Variants in NSRP1 observed in about 807,000 individuals in gnomAD.
NSRP1 encodes the protein nuclear speckle splicing regulatory protein 1.
A neutral mutation model predicts 54.7 loss-of-function variants in NSRP1; 24 were observed. The observed-to-expected ratio is 0.44, with a 90% confidence interval of 0.32 to 0.62. The LOEUF (loss-of-function observed/expected upper bound fraction) is 0.62, where lower values mean the gene tolerates loss of function less well. Ranked by LOEUF, NSRP1 falls within the 20% of genes least tolerant of loss-of-function variation. The pLI is 0.06. For missense variants in NSRP1, 596 were observed against 651.2 expected (o/e 0.92, Z 0.92); for synonymous variants, 210 against 213.8 (o/e 0.98, Z 0.15).
At chr17:30,143,584 T>G (rs761056274) in intron 2 of NSRP1, among the ~76,000 whole-genome samples, 1 of 152,216 alleles carries the variant, frequency 6.6e-6, no homozygotes, top group Non-Finnish European at 1.5e-5. Context: ...CTTTGACTGT[T>G]CATTATAAGT....
At chr17:30,168,990 T>G (rs1904833168) in intron 2 of NSRP1, 1 of 152,076 alleles carries the variant, frequency 6.6e-6, no homozygotes, top group Admixed American at 6.5e-5. Context: ...GAATAGAATA[T>G]GTAAAACTAT....
chr17:30,134,678 C>A (rs919842372), intron 2 of NSRP1, among the ~76,000 whole-genome samples: 3 of 152,148 alleles, frequency 2.0e-5, no homozygotes, highest in African/African-American at 7.2e-5. Flanking sequence ...TTCAGGTCTG[C>A]CTGATTCAAG....
chr17:30,162,747 T>C (rs1485973040), intron 2 of NSRP1, among the ~76,000 whole-genome samples: 1 of 152,176 alleles, frequency 6.6e-6, no homozygotes, highest in African/African-American at 2.4e-5. Flanking sequence ...TTACTAAATT[T>C]TTGTGTTAAA....
intron 2 of NSRP1, among the ~76,000 whole-genome samples, chr17:30,122,269 G>A (rs2071604441): frequency 7.1e-6 from 1 of 140,084 alleles, no homozygotes; most frequent in Non-Finnish European, 1.5e-5. Flanking sequence ...TTTTTTGTGT[G>A]GATATGTTTT....
chr17:30,143,343 A>T (rs2071823458), intron 2 of NSRP1, among the ~76,000 whole-genome samples: 1 of 152,212 alleles, frequency 6.6e-6, no homozygotes, highest in Non-Finnish European at 1.5e-5. Context: ...ATTTGGAAGG[A>T]GATTCATTTC....
chr17:30,138,133 T>C (rs2071766231), intron 2 of NSRP1, among the ~76,000 whole-genome samples: 1 of 152,216 alleles, frequency 6.6e-6, no homozygotes, highest in Non-Finnish European at 1.5e-5. Flanking sequence ...GTGACGGGGT[T>C]ATTTCACTTA....
At chr17:30,177,925 A>G in intron 3 of NSRP1, 146 bp from the exon 4 acceptor site, 1 of 969,606 alleles carries the variant, frequency 1.0e-6, no homozygotes, top group Non-Finnish European at 1.6e-6. Context: ...GCCTGGCTCC[A>G]GAGTTTATTT....
chr17:30,176,611 C>T (rs1002801735), intron 3 of NSRP1, among the ~76,000 whole-genome samples: 1 of 120,602 alleles, frequency 8.3e-6, no homozygotes, highest in Non-Finnish European at 1.9e-5. Flanking sequence ...CTTCGTCCCC[C>T]CCCCCCCAAA....
At chr17:30,172,675 G>A in intron 3 of NSRP1, 77 bp downstream of exon 3, 2 of 1,132,868 alleles carry the variant, frequency 1.8e-6, no homozygotes, top group South Asian at 2.8e-5. Context: ...TGGTATCTAG[G>A]TGCTGAGACT....
At chr17:30,167,445 C>CT (rs1597615952) in intron 2 of NSRP1, among the ~76,000 whole-genome samples, 1 of 152,016 alleles carries the variant, frequency 6.6e-6, no homozygotes, top group African/African-American at 2.4e-5. Flanking sequence ...CTTGTCTCTA[C>CT]TAAAAATACA....
At chr17:30,119,719 TCTCGAA>T (rs1265654303) in intron 2 of NSRP1, among the ~76,000 whole-genome samples, 1 of 151,798 alleles carries the variant, frequency 6.6e-6, no homozygotes, top group Non-Finnish European at 1.5e-5. Context: ...ATCAGGCTGG[TCTCGAA>T]CTCCTGACCT....
chr17:30,137,308 A>T (rs955398007), intron 2 of NSRP1, among the ~76,000 whole-genome samples: 14 of 152,332 alleles, frequency 9.2e-5, no homozygotes, highest in African/African-American at 2.6e-4. Context: ...GAGTCCTTCT[A>T]CCAGGTGCAC....
chr17:30,176,303 G>A (rs1372654160), intron 3 of NSRP1, among the ~76,000 whole-genome samples: 2 of 151,984 alleles, frequency 1.3e-5, no homozygotes, highest in African/African-American at 4.8e-5. Flanking sequence ...ATATACAAAG[G>A]CATGTCATCA....
At chr17:30,171,159 T>G (rs1019207521) in intron 2 of NSRP1, among the ~76,000 whole-genome samples, 2 of 152,132 alleles carry the variant, frequency 1.3e-5, no homozygotes, top group Non-Finnish European at 2.9e-5. Context: ...TTTATTCTCT[T>G]TGATTCTGGT....
chr17:30,136,096 C>T (rs1215871738), intron 2 of NSRP1, among the ~76,000 whole-genome samples: 1 of 151,968 alleles, frequency 6.6e-6, no homozygotes, highest in Non-Finnish European at 1.5e-5. Flanking sequence ...ATCTGTAGTC[C>T]CAGCTACTCG....
intron 2 of NSRP1, among the ~76,000 whole-genome samples, chr17:30,161,480 T>C (rs1904513765): frequency 6.6e-6 from 1 of 152,224 alleles, no homozygotes; most frequent in Admixed American, 6.5e-5. Flanking sequence ...CCCTGTTGCT[T>C]TCCTATGGAA....
At chr17:30,140,958 C>T (rs908126396) in intron 2 of NSRP1, among the ~76,000 whole-genome samples, 1 of 152,032 alleles carries the variant, frequency 6.6e-6, no homozygotes, top group Non-Finnish European at 1.5e-5. Flanking sequence ...GGGATTACAG[C>T]ATGTGACACC....
chr17:30,178,241 A>G (rs376579138), intron 4 of NSRP1, 42 bp downstream of exon 4: 1 of 1,575,282 alleles, frequency 6.3e-7, no homozygotes, highest in South Asian at 1.2e-5. Flanking sequence ...ACCTTGACCT[A>G]CATTTTGTGT....
intron 2 of NSRP1, among the ~76,000 whole-genome samples, chr17:30,160,349 T>G (rs1904471414): frequency 6.6e-6 from 1 of 152,212 alleles, no homozygotes; most frequent in Non-Finnish European, 1.5e-5. Context: ...TCCCTTCTCT[T>G]TTATTTTTTG....
Sources: allele counts gnomAD v4.1 joint callset (sites outside exome capture counted in the v4.1 genomes callset), GRCh38; gene constraint gnomAD v4.1.1; transcripts MANE v1.5; gene names NCBI Gene and HGNC (gene_info 2026-07-23, HGNC 2026-07-21).